Variants in CNST observed in about 807,000 individuals in gnomAD.
The protein encoded by CNST is consortin, connexin sorting protein, also known as consortin.
In CNST, 39 loss-of-function variants were observed where a neutral mutation model predicts 72.4. The ratio of observed to expected loss-of-function variants is 0.54; its 90% CI spans 0.42 to 0.70. CNST has a LOEUF of 0.70. CNST is among the 30% of genes least tolerant of loss of function. The probability of loss-of-function intolerance (pLI) is 0.00; values close to 1 mark genes in which losing one functional copy is unlikely to be tolerated. For synonymous variants in CNST, 332 were observed against 320.1 expected, an observed-to-expected ratio of 1.04 and a Z score of -0.40; for missense variants, 871 against 868.5, an observed-to-expected ratio of 1.00 and a Z score of -0.04.
At chr1:246,574,380 T>C (rs1473349668) in intron 1 of CNST, among the ~76,000 whole-genome samples, 1 of 152,188 alleles carries the variant, frequency 6.6e-6, no homozygotes, top group Non-Finnish European at 1.5e-5. Flanking sequence ...AATTTTAACT[T>C]GAGGAAAACA....
chr1:246,646,725 C>CCACCTCGG (rs1340160644), intron 8 of CNST, among the ~76,000 whole-genome samples: 1 of 152,206 alleles, frequency 6.6e-6, no homozygotes, highest in Non-Finnish European at 1.5e-5. Flanking sequence ...GGTGATCCGC[C>CCACCTCGG]CACCTCGGCC....
intron 9 of CNST, among the ~76,000 whole-genome samples, chr1:246,654,200 C>T (rs1006900139): frequency 1.3e-5 from 2 of 152,152 alleles, no homozygotes; most frequent in Non-Finnish European, 2.9e-5. Context: ...CAGACTATAC[C>T]GTAGTCAGAC....
rs1483971172 is a variant in CNST, at chr1:246,647,948, G to A, written c.1747G>A (p.Glu583Lys). Reference protein sequence around the residue: ...SDLLQDLSPEEASYSLQENLP... With the variant: ...SDLLQDLSPEKASYSLQENLP... ...TCTCCTTCAAGATCTCTCTCCTGAAGAAGCATCCTATAGTCTCCAGGAGAA... is the reference window on the plus strand; with the variant it reads ...TCTCCTTCAAGATCTCTCTCCTGAAAAAGCATCCTATAGTCTCCAGGAGAA... The change falls in exon 9 of 11, where the codon GAA becomes AAA. Residue 583 changes from glutamate to lysine, a missense_variant. Physicochemically the swap from Glu to Lys is moderately conservative, Grantham distance 56. Coordinates refer to ENST00000366513, the MANE Select transcript of CNST (RefSeq NM_152609.3). The A allele has an allele frequency of 1.9e-6, 3 of 1,613,324 alleles. No homozygotes were observed. Among genetic ancestry groups the A allele is most frequent in the Admixed American group, 1.7e-5 (1 of 60,022 alleles).
intron 4 of CNST, among the ~76,000 whole-genome samples, chr1:246,633,382 G>A (rs1469393602): frequency 6.6e-6 from 1 of 151,784 alleles, no homozygotes. Context: ...CCAGGAGGGG[G>A]AGGTTGCAAT....
intron 9 of CNST, among the ~76,000 whole-genome samples, chr1:246,654,856 G>A (rs1007765891): frequency 4.6e-5 from 7 of 151,788 alleles, no homozygotes; most frequent in African/African-American, 1.4e-4. Flanking sequence ...TATTTAGTGA[G>A]CACCTACTAT....
chr1:246,569,787 T>A (rs1659953169), intron 1 of CNST: 1 of 180,802 alleles, frequency 5.5e-6, no homozygotes, highest in African/African-American at 2.4e-5. Flanking sequence ...ATGAGGCTCA[T>A]AAGATGAATA....
At chr1:246,635,374 C>T (rs537919842) in intron 6 of CNST, among the ~76,000 whole-genome samples, 2 of 151,668 alleles carry the variant, frequency 1.3e-5, no homozygotes, top group Non-Finnish European at 2.9e-5. Context: ...AACAGGAGGA[C>T]CCCAATGATG....
chr1:246,659,334 C>T (rs1214828236), intron 9 of CNST, among the ~76,000 whole-genome samples: 2 of 152,328 alleles, frequency 1.3e-5, no homozygotes, highest in South Asian at 2.1e-4. Flanking sequence ...GTGGCTCACA[C>T]CTGTAATCCC....
intron 1 of CNST, among the ~76,000 whole-genome samples, chr1:246,580,050 C>T (rs1660686182): frequency 6.6e-6 from 1 of 152,178 alleles, no homozygotes; most frequent in Non-Finnish European, 1.5e-5. Flanking sequence ...TCTGTCTTAT[C>T]TCTAGTCTTA....
intron 2 of CNST, among the ~76,000 whole-genome samples, chr1:246,609,274 G>A (rs180880032): frequency 6.6e-6 from 1 of 152,248 alleles, no homozygotes; most frequent in East Asian, 1.9e-4. Flanking sequence ...ATGACTGGAG[G>A]TATTTAAAAG....
At chr1:246,624,906 G>A (rs1159333885) in intron 3 of CNST, among the ~76,000 whole-genome samples, 1 of 152,122 alleles carries the variant, frequency 6.6e-6, no homozygotes, top group Non-Finnish European at 1.5e-5. Flanking sequence ...CACCCGCCTT[G>A]ACCTCCCAAA....
At chr1:246,589,300 T>C in intron 1 of CNST, among the ~76,000 whole-genome samples, 1 of 136,658 alleles carries the variant, frequency 7.3e-6, no homozygotes, top group African/African-American at 2.7e-5. Context: ...ATGTGTGATG[T>C]TCCCCTTCCT....
At chr1:246,567,040 C>A (rs920171730) in intron 1 of CNST, among the ~76,000 whole-genome samples, 1 of 141,680 alleles carries the variant, frequency 7.1e-6, no homozygotes, top group African/African-American at 2.5e-5. Context: ...CATTTCCCCC[C>A]CACACCTGGT....
intron 2 of CNST, chr1:246,607,638 A>T (rs1049516818): frequency 1.3e-5 from 2 of 151,126 alleles, no homozygotes; most frequent in African/African-American, 4.9e-5. Context: ...CGTCACTGCT[A>T]CGTGGTACCC....
chr1:246,607,005 T>G (rs1480298193), intron 2 of CNST: 1 of 151,680 alleles, frequency 6.6e-6, no homozygotes, highest in South Asian at 2.1e-4. Flanking sequence ...CAGGCCTTTT[T>G]TGACAAGACA....
intron 6 of CNST, 35 bp downstream of exon 6, chr1:246,634,622 A>C: frequency 1.7e-6 from 2 of 1,151,210 alleles, no homozygotes; most frequent in Non-Finnish European, 1.3e-6. Context: ...AATGAGTTGG[A>C]GTAGAATATT....
At chr1:246,634,093 T>G (rs1158414345) in intron 5 of CNST, 83 bp downstream of exon 5, 5 of 895,402 alleles carry the variant, frequency 5.6e-6, no homozygotes, top group African/African-American at 1.7e-5. Flanking sequence ...TTGACCTGGT[T>G]TTATAAATCA....
intron 2 of CNST, among the ~76,000 whole-genome samples, chr1:246,617,790 C>T (rs1027164967): frequency 2.6e-5 from 4 of 152,146 alleles, no homozygotes; most frequent in Admixed American, 1.3e-4. Context: ...TTCCAAGCAA[C>T]CAGAATATGG....
intron 8 of CNST, 63 bp downstream of exon 8, chr1:246,642,100 A>G (rs2103120855): frequency 1.2e-6 from 1 of 826,426 alleles, no homozygotes; most frequent in South Asian, 1.7e-5. Flanking sequence ...GATCTTTTAC[A>G]AGTGATACAT....
Sources: allele counts gnomAD v4.1 joint callset (sites outside exome capture counted in the v4.1 genomes callset), GRCh38; gene constraint gnomAD v4.1.1; transcripts MANE v1.5; gene names NCBI Gene and HGNC (gene_info 2026-07-23, HGNC 2026-07-21).